PLA2G6: variants seen among roughly 807,000 people sequenced by gnomAD.
PLA2G6 encodes 85/88 kDa calcium-independent phospholipase A2.
PLA2G6 carries 62 observed loss-of-function variants against 83.8 expected under a neutral mutation model. The observed-to-expected ratio is 0.74, with a 90% confidence interval of 0.60 to 0.91. PLA2G6 has a LOEUF of 0.91. Ranked by LOEUF, PLA2G6 falls within the 40% of genes least tolerant of loss-of-function variation. The probability of loss-of-function intolerance (pLI) is 0.00; values close to 1 mark genes in which losing one functional copy is unlikely to be tolerated. For synonymous variants in PLA2G6, 417 were observed against 449.8 expected, an observed-to-expected ratio of 0.93 and a Z score of 0.92; for missense variants, 944 against 1,102.0, an observed-to-expected ratio of 0.86 and a Z score of 2.03.
intron 2 of PLA2G6, chr22:38,146,492 C>T (rs5750546): frequency 0.34 from 51,136 of 151,788 alleles, 8,862 homozygotes; most frequent in South Asian, 0.42. Flanking sequence ...CTAGATTTTC[C>T]TTTATTTTGA....
chr22:38,138,820 C>G (rs990585957), intron 5 of PLA2G6: 1 of 152,106 alleles, frequency 6.6e-6, no homozygotes, highest in Non-Finnish European at 1.5e-5. Context: ...CAGGCACACA[C>G]CACCACACCT....
At chr22:38,160,596 C>T (rs548007649) in intron 2 of PLA2G6, among the ~76,000 whole-genome samples, 1 of 152,310 alleles carries the variant, frequency 6.6e-6, no homozygotes, top group Admixed American at 6.5e-5. Flanking sequence ...CCTGTAATCC[C>T]AGCACTTTGG....
rs886039552 is a variant in PLA2G6 at position 38,169,219 on chromosome 22, G to A, written c.208C>T (p.Arg70Ter). The A allele has an allele frequency of 5.6e-6, 9 of 1,611,766 alleles. No individual in the cohort carries two copies. The highest frequency in any genetic ancestry group is 3.3e-5 in the Admixed American group (2 of 59,974). Reference sequence around the variant, plus strand: ...ATGTTCCCGCTGAGCATCACCCACCGGAATCCACTCTGTGAGTTCCTGGGG... The same window carrying A: ...ATGTTCCCGCTGAGCATCACCCACCAGAATCCACTCTGTGAGTTCCTGGGG... ...VNPRNSQSGFRLFQLELEADA... is the reference protein window; with the variant it reads ...VNPRNSQSGF Residue 70 changes from arginine to a stop codon, truncating the protein, a stop_gained and splice_region_variant, in exon 2 of 17, where the codon CGA (arginine) becomes TGA (stop). Transcript: ENST00000332509. LOFTEE classifies it high-confidence loss of function.
chr22:38,134,731 G>T, intron 6 of PLA2G6: 1 of 530,756 alleles, frequency 1.9e-6, no homozygotes, highest in Non-Finnish European at 3.4e-6. Flanking sequence ...CTGCCTTGCT[G>T]ACTTCATCAC....
chr22:38,127,296 G>A (rs948949205), intron 9 of PLA2G6: 1 of 1,266,686 alleles, frequency 7.9e-7, no homozygotes, highest in African/African-American at 1.5e-5. Flanking sequence ...CAGGGTGCAG[G>A]GGAGGGGGCG....
At chr22:38,174,220 C>T (rs528991785) in intron 1 of PLA2G6, among the ~76,000 whole-genome samples, 2 of 151,894 alleles carry the variant, frequency 1.3e-5, no homozygotes, top group South Asian at 4.2e-4. Flanking sequence ...CATGGTGAAA[C>T]CCCGTCTCTA....
intron 11 of PLA2G6, among the ~76,000 whole-genome samples, chr22:38,122,424 A>C (rs555279955): frequency 6.6e-6 from 1 of 152,104 alleles, no homozygotes; most frequent in South Asian, 2.1e-4. Context: ...AGACAGCTCC[A>C]CAGAGGAGCC....
At position 38,112,557 on chromosome 22, in the gene PLA2G6, C is replaced by A; in HGVS notation, c.2223G>T (p.Arg741=). The A allele has an allele frequency of 6.4e-7, 1 of 1,553,458 alleles. No individual in the cohort carries two copies. Among genetic ancestry groups the A allele is most frequent in the South Asian group, 1.2e-5 (1 of 84,554 alleles). Residue 741 remains arginine (R), a synonymous_variant, in exon 16 of 17, where the codon CGG becomes CGT. Coordinates refer to ENST00000332509, the MANE Select transcript of PLA2G6 (RefSeq NM_003560.4). ...VVDCCTDPDG[R]AVDRARAWCE... ...ACCAGGCCCGTGCCCGGTCCACAGC[C>A]CGCCCGTCTGGATCCGTGCACTGGT...
rs189109692 is a variant in PLA2G6, at chr22:38,139,538, G to A, written c.797+444C>T. 9.4e-4 allele frequency: 149 copies of A among 157,860 alleles called. 3 individuals carry two copies. In the East Asian group the frequency reaches 0.023, roughly 24 times the overall value. The allele number at this position is 157,860 out of a possible 1,614,324, so 9.8% of individuals were successfully genotyped here. A position where few individuals can be genotyped will look rare whatever the true frequency, so the allele number is the denominator to read the frequency against. On this transcript the variant is annotated intron_variant, in intron 5 of 16. Coordinates refer to ENST00000332509, the MANE Select transcript of PLA2G6 (RefSeq NM_003560.4). ...CAACCTCCGCCTCCCGGGTTCAACC[G>A]ATTCTCCTGCCTCAGCCTTCCAAGT...
chr22:38,174,075 C>T (rs1349871483), intron 1 of PLA2G6, among the ~76,000 whole-genome samples: 1 of 151,134 alleles, frequency 6.6e-6, no homozygotes, highest in East Asian at 2.0e-4. Context: ...AAACAAAGGG[C>T]AAATTAAAGT....
rs904692346 is a variant in PLA2G6, at chr22:38,115,810, A to G, written c.1880-129T>C. On this transcript the variant is annotated intron_variant, in intron 13 of 16. Coordinates refer to ENST00000332509, the MANE Select transcript of PLA2G6 (RefSeq NM_003560.4). ...AGAGGGGAGGCTGGGAACTCTTCAG[A>G]AGCAGGACCCACGAAGCCACACTCT... 7 of 1,482,210 alleles carry G rather than the reference A, an allele frequency of 4.7e-6. No individual in the cohort carries two copies. In the Admixed American group the frequency reaches 1.5e-4, roughly 32 times the overall value. 91.8% of individuals were successfully genotyped at this position (1,482,210 alleles called of 1,614,324 possible).
rs570033641 is a variant in PLA2G6, at chr22:38,115,689, C to T, written c.1880-8G>A. On this transcript the variant is annotated splice_region_variant and splice_polypyrimidine_tract_variant and intron_variant, in intron 13 of 16. Coordinates refer to ENST00000332509, the MANE Select transcript of PLA2G6 (RefSeq NM_003560.4). The stretch of plus-strand genomic sequence containing the variant: ...CCCGCCACACCAGCTGGTCTAGGGG[C>T]GGGGAAGGAGGGCGGCCCAGTGGCA... The T allele has an allele frequency of 3.8e-5, 60 of 1,596,246 alleles. No homozygotes were observed. Among genetic ancestry groups the T allele is most frequent in the Non-Finnish European group, 4.6e-5 (54 of 1,172,384 alleles).
At chr22:38,174,563 G>C (rs1244824132) in intron 1 of PLA2G6, among the ~76,000 whole-genome samples, 2 of 152,184 alleles carry the variant, frequency 1.3e-5, no homozygotes, top group Non-Finnish European at 2.9e-5. Context: ...GTCTCGCCAA[G>C]TGCACGGTCC....
intron 1 of PLA2G6, among the ~76,000 whole-genome samples, chr22:38,171,551 G>C (rs898637157): frequency 1.3e-5 from 2 of 152,040 alleles, no homozygotes; most frequent in African/African-American, 4.8e-5. Flanking sequence ...AGGCATGGTG[G>C]CTCATGCCCG....
intron 3 of PLA2G6, 157 bp downstream of exon 3, chr22:38,145,281 A>G (rs1010493658): frequency 2.8e-6 from 2 of 708,290 alleles, no homozygotes; most frequent in African/African-American, 3.5e-5. Flanking sequence ...CTCCCTCCTC[A>G]GCCTCCCAAA....
At chr22:38,174,209 A>G (rs543188805) in intron 1 of PLA2G6, among the ~76,000 whole-genome samples, 35 of 152,158 alleles carry the variant, frequency 2.3e-4, no homozygotes, top group Non-Finnish European at 3.2e-4. Context: ...ATCCTGGCTA[A>G]CATGGTGAAA....
intron 14 of PLA2G6, among the ~76,000 whole-genome samples, chr22:38,115,239 T>C (rs966258203): frequency 6.6e-6 from 1 of 152,154 alleles, no homozygotes. Context: ...GCATGTGTCC[T>C]GTCCCCAGGC....
chr22:38,153,344 G>C (rs760249778), intron 2 of PLA2G6, among the ~76,000 whole-genome samples: 1 of 152,178 alleles, frequency 6.6e-6, no homozygotes, highest in Admixed American at 6.5e-5. Context: ...CCCGGCCCCC[G>C]CCCTGTCTGG....
At chr22:38,155,985 G>A (rs944526329) in intron 2 of PLA2G6, among the ~76,000 whole-genome samples, 1 of 152,158 alleles carries the variant, frequency 6.6e-6, no homozygotes, top group Non-Finnish European at 1.5e-5. Context: ...GATGGAGAAA[G>A]ATATTCCATG....
Sources: gnomAD v4.1 joint callset for allele counts (sites outside exome capture counted in the v4.1 genomes callset) on GRCh38, gnomAD v4.1.1 for gene constraint, MANE v1.5 for transcripts, NCBI Gene and HGNC (gene_info 2026-07-23, HGNC 2026-07-21) for gene names.